The following PRIM2 variants were observed in gnomAD, a reference collection of about 807,000 sequenced individuals.
The protein encoded by PRIM2 is DNA primase large subunit.
Under a neutral mutation model 67.3 loss-of-function variants are expected in PRIM2, and 39 were observed. The observed-to-expected ratio is 0.58, with a 90% confidence interval of 0.45 to 0.76. The LOEUF (loss-of-function observed/expected upper bound fraction) is 0.76, where lower values mean the gene tolerates loss of function less well. Ranked by LOEUF, PRIM2 falls within the 30% of genes least tolerant of loss-of-function variation. PRIM2 has a pLI of 0.00. For missense variants in PRIM2, 398 were observed against 598.7 expected (o/e 0.66, Z 3.50); for synonymous variants, 143 against 198.7 (o/e 0.72, Z 2.36).
intron 7 of PRIM2, among the ~76,000 whole-genome samples, chr6:57,431,575 G>GC (rs1771829651): frequency 6.6e-6 from 1 of 151,996 alleles, no homozygotes. Context: ...CTTAGCCCAG[G>GC]ATTTGAGGCT....
the PRIM2 span, among the ~76,000 whole-genome samples, chr6:57,267,861 C>T: frequency 2.0e-5 from 3 of 151,788 alleles, no homozygotes; most frequent in Non-Finnish European, 2.9e-5. Flanking sequence ...GGTGAGCCAC[C>T]GTCCTGGCCT....
Position 57,377,921 on chromosome 6 carries a change from G to T in PRIM2, c.460-1980G>T, listed in dbSNP as rs557094659. ...TTTTAGGTCTTAGGGCTGGATGTTTGTATGTTCCTGTAAGGGCTCAACGGG... is the reference window on the plus strand; with the variant it reads ...TTTTAGGTCTTAGGGCTGGATGTTTTTATGTTCCTGTAAGGGCTCAACGGG... On this transcript the variant is annotated intron_variant, in intron 5 of 13. Transcript: ENST00000615550. 6.2e-3 allele frequency among the ~76,000 whole-genome samples: 936 copies of T among 152,014 alleles called. 10 individuals carry two copies. Among genetic ancestry groups the T allele is most frequent in the Middle Eastern group, 0.044 (13 of 294 alleles).
intron 7 of PRIM2, among the ~76,000 whole-genome samples, chr6:57,468,571 G>T (rs1404240540): frequency 1.3e-5 from 2 of 152,158 alleles, no homozygotes; most frequent in African/African-American, 4.8e-5. Flanking sequence ...GTTCATCAGG[G>T]ATATTAGCCT....
At chr6:57,530,262 G>A (rs1774858034) in intron 8 of PRIM2, among the ~76,000 whole-genome samples, 1 of 152,138 alleles carries the variant, frequency 6.6e-6, no homozygotes, top group Non-Finnish European at 1.5e-5. Context: ...ATTCAACTAA[G>A]AGCAATAAAT....
At chr6:57,520,770 G>T (rs1368391555) in intron 8 of PRIM2, among the ~76,000 whole-genome samples, 1 of 152,126 alleles carries the variant, frequency 6.6e-6, no homozygotes, top group South Asian at 2.1e-4. Flanking sequence ...TTATCTTGGA[G>T]TTCATTGGAT....
chr6:57,469,381 C>T (rs1401581335), intron 7 of PRIM2, among the ~76,000 whole-genome samples: 1 of 152,204 alleles, frequency 6.6e-6, no homozygotes, highest in Non-Finnish European at 1.5e-5. Context: ...TAGTGAATCA[C>T]GTTTATGGTT....
At chr6:57,597,848 T>A (rs1776392429) in intron 10 of PRIM2, among the ~76,000 whole-genome samples, 1 of 152,218 alleles carries the variant, frequency 6.6e-6, no homozygotes, top group Non-Finnish European at 1.5e-5. Context: ...CCACCTTTTG[T>A]ATTTAAGTTT....
intron 10 of PRIM2, among the ~76,000 whole-genome samples, chr6:57,566,299 T>C (rs1385192677): frequency 2.0e-5 from 3 of 152,048 alleles, no homozygotes; most frequent in Non-Finnish European, 2.9e-5. Context: ...ATAGGAAGCA[T>C]ATTGGGTAGC....
At chr6:57,289,838 C>G in the PRIM2 span, among the ~76,000 whole-genome samples, 1 of 152,092 alleles carries the variant, frequency 6.6e-6, no homozygotes, top group Non-Finnish European at 1.5e-5. Flanking sequence ...ATGGTACCAC[C>G]CACTACAAAA....
intron 7 of PRIM2, among the ~76,000 whole-genome samples, chr6:57,408,059 G>A (rs1333826369): frequency 4.6e-5 from 7 of 152,234 alleles, no homozygotes; most frequent in Admixed American, 4.6e-4. Flanking sequence ...CCCCTTTGTG[G>A]GAAGCAGGCA....
the PRIM2 span, among the ~76,000 whole-genome samples, chr6:57,276,766 G>C: frequency 6.6e-6 from 1 of 151,912 alleles, no homozygotes; most frequent in African/African-American, 2.4e-5. Context: ...GGGCGTGGTG[G>C]TGCATGCATG....
intron 7 of PRIM2, among the ~76,000 whole-genome samples, chr6:57,450,764 T>C (rs1170051153): frequency 1.3e-5 from 2 of 152,226 alleles, no homozygotes; most frequent in African/African-American, 4.8e-5. Flanking sequence ...ATCAGTCAAA[T>C]ATTTATTGAA....
intron 7 of PRIM2, among the ~76,000 whole-genome samples, chr6:57,414,893 C>G (rs5003850): frequency 2.6e-5 from 4 of 151,976 alleles, no homozygotes; most frequent in South Asian, 2.1e-4. Context: ...TGCATAACTT[C>G]TCTAAAAGTC....
chr6:57,629,522 A>G (rs1207893953), intron 12 of PRIM2, among the ~76,000 whole-genome samples: 2 of 152,100 alleles, frequency 1.3e-5, no homozygotes, highest in African/African-American at 4.8e-5. Flanking sequence ...CCTCTTGAGT[A>G]TTTTCATGCA....
intron 7 of PRIM2, among the ~76,000 whole-genome samples, chr6:57,498,981 A>G (rs1178232738): frequency 2.6e-5 from 4 of 152,176 alleles, no homozygotes; most frequent in Non-Finnish European, 4.4e-5. Flanking sequence ...AATCCTTTCA[A>G]ACAATTCTAC....
chr6:57,303,253 T>C, the PRIM2 span, among the ~76,000 whole-genome samples: 3 of 152,162 alleles, frequency 2.0e-5, no homozygotes, highest in African/African-American at 7.2e-5. Flanking sequence ...TTGAAGAGCA[T>C]ATGTTGAGGT....
chr6:57,478,855 T>C (rs1773546120), intron 7 of PRIM2, among the ~76,000 whole-genome samples: 1 of 152,238 alleles, frequency 6.6e-6, no homozygotes, highest in Non-Finnish European at 1.5e-5. Context: ...GTTAAAGATT[T>C]ATTACATTCG....
the PRIM2 span, among the ~76,000 whole-genome samples, chr6:57,239,152 G>GCTAATTTACATGCGCCACCACACCCT: frequency 3.3e-5 from 5 of 151,770 alleles, no homozygotes; most frequent in African/African-American, 1.2e-4. Context: ...CACCATACCC[G>GCTAATTTACATGCGCCACCACACCCT]GCTAATTTTT....
At chr6:57,515,574 G>A (rs1554348150) in intron 8 of PRIM2, among the ~76,000 whole-genome samples, 4 of 152,322 alleles carry the variant, frequency 2.6e-5, no homozygotes, top group Middle Eastern at 3.4e-3. Context: ...GCTTATTAGC[G>A]TGTGTAGATT....
Sources: gnomAD v4.1 joint callset for allele counts (sites outside exome capture counted in the v4.1 genomes callset) on GRCh38, gnomAD v4.1.1 for gene constraint, MANE v1.5 for transcripts, NCBI Gene and HGNC (gene_info 2026-07-23, HGNC 2026-07-21) for gene names.